SEPTIN9: variants seen among roughly 807,000 people sequenced by gnomAD.
SEPTIN9 encodes septin-9.
SEPTIN9 carries 13 observed loss-of-function variants against 56.6 expected under a neutral mutation model. The observed-to-expected ratio is 0.23, with a 90% CI of 0.15 to 0.37. SEPTIN9 has a LOEUF of 0.37. Ranked by LOEUF, SEPTIN9 falls within the 10% of genes least tolerant of loss-of-function variation. The pLI is 1.00. For synonymous variants in SEPTIN9, 332 were observed against 334.1 expected (o/e 0.99, Z 0.07); for missense variants, 650 against 823.1 (o/e 0.79, Z 2.57).
chr17:77,373,071 G>A (rs551874645), intron 2 of SEPTIN9: 3 of 501,084 alleles, frequency 6.0e-6, no homozygotes, highest in Non-Finnish European at 5.2e-6. Context: ...GGGGCGCCCG[G>A]GGGGAGGGGC....
chr17:77,491,121 G>A (rs950326154), intron 8 of SEPTIN9, among the ~76,000 whole-genome samples: 2 of 152,164 alleles, frequency 1.3e-5, no homozygotes, highest in Non-Finnish European at 2.9e-5. Context: ...TCTGAGGGGG[G>A]TTTTGGAGAA....
chr17:77,344,741 G>A (rs2143774071), intron 2 of SEPTIN9, among the ~76,000 whole-genome samples: 1 of 152,316 alleles, frequency 6.6e-6, no homozygotes, highest in South Asian at 2.1e-4. Context: ...GAAGGCCGAG[G>A]TGGGCAGATC....
At chr17:77,285,496 C>G (rs2031232468) in intron 1 of SEPTIN9, among the ~76,000 whole-genome samples, 1 of 152,188 alleles carries the variant, frequency 6.6e-6, no homozygotes, top group South Asian at 2.1e-4. Context: ...CTCCCAGGTT[C>G]AAGCAATTCT....
chr17:77,404,970 G>A, intron 3 of SEPTIN9: 1 of 1,000,612 alleles, frequency 1.0e-6, no homozygotes, highest in South Asian at 1.6e-5. Context: ...TTCTGTTGGT[G>A]CAGGACCTTT....
intron 3 of SEPTIN9, among the ~76,000 whole-genome samples, chr17:77,404,094 C>T (rs1019109875): frequency 6.6e-6 from 1 of 152,188 alleles, no homozygotes; most frequent in Admixed American, 6.5e-5. Flanking sequence ...GTTCATCCGT[C>T]GTGCTGTAGC....
At chr17:77,368,651 T>C (rs751182757) in intron 2 of SEPTIN9, among the ~76,000 whole-genome samples, 10 of 152,270 alleles carry the variant, frequency 6.6e-5, no homozygotes, top group Non-Finnish European at 1.5e-4. Context: ...TTTATCACAG[T>C]AAAAATGCAT....
intron 2 of SEPTIN9, among the ~76,000 whole-genome samples, chr17:77,314,751 T>G (rs1479869457): frequency 6.6e-6 from 1 of 152,196 alleles, no homozygotes; most frequent in Non-Finnish European, 1.5e-5. Context: ...CCCACATCAG[T>G]GTCACCTGGA....
intron 3 of SEPTIN9, among the ~76,000 whole-genome samples, chr17:77,428,600 G>A (rs138837122): frequency 7.9e-5 from 12 of 152,338 alleles, no homozygotes; most frequent in African/African-American, 1.9e-4. Flanking sequence ...TAGGCTGTGC[G>A]GCGGCATCCT....
At chr17:77,479,555 G>A (rs992097517) in intron 3 of SEPTIN9, among the ~76,000 whole-genome samples, 4 of 152,230 alleles carry the variant, frequency 2.6e-5, no homozygotes, top group Non-Finnish European at 5.9e-5. Context: ...GATGGGGCTC[G>A]GCTGCGTTGT....
chr17:77,454,013 C>T lies in SEPTIN9; in HGVS notation c.722-28131C>T, dbSNP rs548405596. On this transcript the variant is annotated intron_variant, in intron 3 of 11. Coordinates refer to ENST00000427177, the MANE Select transcript of SEPTIN9 (RefSeq NM_001113491.2). ...TCTGTACATGTAAGCCTTTCCCATA[C>T]ACCCCGGATGTTTAGGGCTTCCGCC... 5.1e-6 allele frequency: 5 copies of T among 972,744 alleles called. No individual in the cohort carries two copies. The African/African-American group carries it at 5.3e-5, about 10-fold the overall frequency. 60.3% of individuals were successfully genotyped at this position (972,744 alleles called of 1,614,324 possible).
rs925199180 is a variant in SEPTIN9 at position 77,323,328 on chromosome 17, C to T, written c.76+16131C>T. Among the ~76,000 whole-genome samples, 22 of 152,200 alleles carry T rather than the reference C, an allele frequency of 1.4e-4. No homozygotes were observed. Among genetic ancestry groups the T allele is most frequent in the African/African-American group, 5.1e-4 (21 of 41,510 alleles). Reference sequence around the variant, plus strand: ...TCGGAGCTTTTTTTTTGTTCTGGAACGGCTTTGTGGCTTTTACAAATTAAG... The same window carrying T: ...TCGGAGCTTTTTTTTTGTTCTGGAATGGCTTTGTGGCTTTTACAAATTAAG... On this transcript the variant is annotated intron_variant, in intron 2 of 11. Transcript: ENST00000427177. The surrounding 1 kb of genome is among the most constrained non-coding windows in gnomAD (Gnocchi z 6.8).
intron 3 of SEPTIN9, among the ~76,000 whole-genome samples, chr17:77,478,015 G>T (rs928239090): frequency 2.0e-5 from 3 of 152,026 alleles, no homozygotes; most frequent in African/African-American, 2.4e-5. Context: ...CGGTCTTTGG[G>T]GGGGGTCACA....
chr17:77,294,623 A>C (rs914978075), intron 1 of SEPTIN9: 6 of 157,570 alleles, frequency 3.8e-5, no homozygotes, highest in African/African-American at 1.2e-4. Context: ...TCAAGAAAGA[A>C]GTAGGAAAAT....
At chr17:77,308,145 C>T (rs1048285627) in intron 2 of SEPTIN9, among the ~76,000 whole-genome samples, 3 of 152,220 alleles carry the variant, frequency 2.0e-5, no homozygotes, top group Non-Finnish European at 2.9e-5. Flanking sequence ...GCAGAGATGG[C>T]GTGGTCACCT....
rs1341262637 is a variant in SEPTIN9, at chr17:77,389,685, A to T, written c.77-12374A>T. 6.6e-6 allele frequency among the ~76,000 whole-genome samples: 1 copy of T among 150,538 alleles called. No individual in the cohort carries two copies. On this transcript the variant is annotated intron_variant, in intron 2 of 11. Transcript: ENST00000427177. This position sits in a 1 kb window ranked among gnomAD's most constrained non-coding sequence, Gnocchi z 4.3. ...CCGTCCCACCCTTCTGCTGCCTTCC[A>T]CCAGGGACGGAGGGTGGGCGGCCCT...
rs936766156 is a variant in SEPTIN9, at chr17:77,487,323, TCA to T, written c.914-100_914-99del. On this transcript the variant is annotated intron_variant, in intron 4 of 11. Coordinates refer to ENST00000427177, the MANE Select transcript of SEPTIN9 (RefSeq NM_001113491.2). This position sits in a 1 kb window ranked among gnomAD's most constrained non-coding sequence, Gnocchi z 4.3. The stretch of plus-strand genomic sequence containing the variant: ...GAGGTAGCCCAGGCACTGCTGAATC[TCA>T]GACTGGAGAGCCTCGTGCCTGGGTG... 1.9e-5 allele frequency: 26 copies of T among 1,338,242 alleles called. No homozygotes were observed. The highest frequency in any genetic ancestry group is 2.6e-5 in the Non-Finnish European group (25 of 957,558). 82.9% of individuals were successfully genotyped at this position (1,338,242 alleles called of 1,614,324 possible).
chr17:77,432,894 C>G (rs1006432010), intron 3 of SEPTIN9, among the ~76,000 whole-genome samples: 1 of 152,200 alleles, frequency 6.6e-6, no homozygotes, highest in Non-Finnish European at 1.5e-5. Context: ...AGCGAGGCCC[C>G]CTGTGGTCCC....
intron 2 of SEPTIN9, among the ~76,000 whole-genome samples, chr17:77,316,595 G>A (rs1189526185): frequency 2.0e-5 from 3 of 152,288 alleles, no homozygotes; most frequent in South Asian, 2.1e-4. Context: ...AGTTCCCACC[G>A]CCAGCCAGGC....
chr17:77,364,786 A>G (rs2034523721), intron 2 of SEPTIN9, among the ~76,000 whole-genome samples: 1 of 152,250 alleles, frequency 6.6e-6, no homozygotes, highest in South Asian at 2.1e-4. Flanking sequence ...AGCACCCAGA[A>G]GTCCTGGGGC....
Sources: allele counts gnomAD v4.1 joint callset (sites outside exome capture counted in the v4.1 genomes callset), GRCh38; gene constraint gnomAD v4.1.1; non-coding constraint Gnocchi (gnomAD v3.1); transcripts MANE v1.5; gene names NCBI Gene and HGNC (gene_info 2026-07-23, HGNC 2026-07-21).